Variants in NT5DC3 observed in about 807,000 individuals in gnomAD.
NT5DC3 encodes 5'-nucleotidase domain-containing protein 3.
In NT5DC3, 42 loss-of-function variants were observed where a neutral mutation model predicts 67.8. The ratio of observed to expected loss-of-function variants is 0.62; its 90% CI spans 0.48 to 0.80. NT5DC3 has a LOEUF of 0.80. Ranked by LOEUF, NT5DC3 falls within the 30% of genes least tolerant of loss-of-function variation. The pLI, the probability that NT5DC3 is intolerant of heterozygous loss-of-function variation, is 0.00. For synonymous variants in NT5DC3, 237 were observed against 255.6 expected, an observed-to-expected ratio of 0.93 and a Z score of 0.69; for missense variants, 570 against 696.4, an observed-to-expected ratio of 0.82 and a Z score of 2.04.
chr12:103,805,217 C>G (rs550716657), intron 4 of NT5DC3, among the ~76,000 whole-genome samples: 5 of 152,178 alleles, frequency 3.3e-5, no homozygotes, highest in Admixed American at 6.5e-5. Flanking sequence ...TCTACCACAG[C>G]AGGGACAATA....
chr12:103,758,257 G>A, the NT5DC3 span: 6 of 1,613,938 alleles, frequency 3.7e-6, no homozygotes, highest in Middle Eastern at 1.6e-4. Flanking sequence ...CACCCTCTTT[G>A]TGCCACAGAA....
Position 103,832,172 on chromosome 12 carries a change from G to A in NT5DC3, c.208+8777C>T, listed in dbSNP as rs1173401274. Among the ~76,000 whole-genome samples, 9 of 151,752 alleles carry A rather than the reference G, an allele frequency of 5.9e-5. No individual in the cohort carries two copies. In the South Asian group the frequency reaches 1.5e-3, roughly 25 times the overall value. ...AAAGTCCTCTATATTTTTTTTCAGC[G>A]TGTGGGTATTCTATACAAAAAGGTT... On this transcript the variant is annotated intron_variant, in intron 1 of 13. Transcript: ENST00000392876.
At chr12:103,757,010 T>TATAC in the NT5DC3 span, among the ~76,000 whole-genome samples, 1 of 137,550 alleles carries the variant, frequency 7.3e-6, no homozygotes, top group African/African-American at 2.7e-5. Context: ...TATATATATA[T>TATAC]ATATATATAT....
At chr12:103,755,027 A>T in the NT5DC3 span, 2 of 414,824 alleles carry the variant, frequency 4.8e-6, no homozygotes, top group Admixed American at 7.4e-5. Flanking sequence ...GTATCAATGG[A>T]TGACAGCAAA....
At chr12:103,752,361 A>G in the NT5DC3 span, among the ~76,000 whole-genome samples, 3 of 152,218 alleles carry the variant, frequency 2.0e-5, no homozygotes, top group Non-Finnish European at 4.4e-5. Context: ...TGACTTACGC[A>G]CTGTGCTACT....
chr12:103,784,227 A>G (rs767612246), intron 12 of NT5DC3, among the ~76,000 whole-genome samples: 4 of 152,244 alleles, frequency 2.6e-5, no homozygotes, highest in Admixed American at 2.0e-4. Flanking sequence ...TTGACACTGT[A>G]TATTTTTAGT....
intron 1 of NT5DC3, among the ~76,000 whole-genome samples, chr12:103,833,946 C>T (rs1293443900): frequency 6.6e-6 from 1 of 152,138 alleles, no homozygotes; most frequent in Non-Finnish European, 1.5e-5. Flanking sequence ...TATGATCACA[C>T]GAAGATTTCT....
downstream of NT5DC3, chr12:103,766,974 T>C (rs906477181): frequency 6.6e-6 from 1 of 152,318 alleles, no homozygotes; most frequent in African/African-American, 2.4e-5. Context: ...CCCTCATACA[T>C]TGCTGGTGGG....
intron 1 of NT5DC3, among the ~76,000 whole-genome samples, chr12:103,823,143 G>GA (rs1180147199): frequency 2.7e-5 from 4 of 145,780 alleles, no homozygotes; most frequent in South Asian, 4.3e-4. Flanking sequence ...TGTTTTTCTA[G>GA]AAAAAAAGAA....
At chr12:103,791,021 C>T (rs112089133) in intron 9 of NT5DC3, among the ~76,000 whole-genome samples, 1,946 of 152,180 alleles carry the variant, frequency 0.013, 45 homozygotes, top group African/African-American at 0.045. Flanking sequence ...GCATAATACC[C>T]CCTCACATGG....
In NT5DC3 at chr12:103,841,234, T is replaced by A; in HGVS notation, c.-78A>T. The stretch of plus-strand genomic sequence containing the variant: ...CCCGGCCCAAGATCTACCCGCGCTC[T>A]GCCCTGCAGGAGGGCAGCTCCTGCG... On this transcript the variant is annotated 5_prime_UTR_variant, in exon 1 of 14. Coordinates refer to ENST00000392876, the MANE Select transcript of NT5DC3 (RefSeq NM_001031701.3). 2.1e-6 allele frequency: 1 copy of A among 480,612 alleles called. No homozygotes were observed. 29.8% of individuals were successfully genotyped at this position (480,612 alleles called of 1,614,324 possible).
the NT5DC3 span, chr12:103,757,955 C>G: frequency 2.0e-4 from 127 of 622,258 alleles, no homozygotes; most frequent in African/African-American, 2.1e-3. Flanking sequence ...TGGGCTGTGA[C>G]GTGGCTGTGT....
intron 1 of NT5DC3, among the ~76,000 whole-genome samples, chr12:103,839,615 C>A (rs12426183): frequency 6.6e-6 from 1 of 152,062 alleles, no homozygotes; most frequent in Non-Finnish European, 1.5e-5. Context: ...AAAAACTTTC[C>A]TGCCCAAAAG....
chr12:103,759,941 C>T, the NT5DC3 span, among the ~76,000 whole-genome samples: 2 of 152,190 alleles, frequency 1.3e-5, no homozygotes, highest in Admixed American at 6.5e-5. Flanking sequence ...AGAAATGATA[C>T]ATTTGTGGAA....
the NT5DC3 span, chr12:103,758,265 G>A: frequency 6.2e-7 from 1 of 1,613,964 alleles, no homozygotes; most frequent in Non-Finnish European, 8.5e-7. Flanking sequence ...TTGTGCCACA[G>A]AACAGTGGGC....
At chr12:103,764,472 AG>A in the NT5DC3 span, among the ~76,000 whole-genome samples, 2 of 152,192 alleles carry the variant, frequency 1.3e-5, no homozygotes, top group Non-Finnish European at 2.9e-5. Context: ...ACATCAATCC[AG>A]GGGGACCCCT....
At chr12:103,782,517 G>A (rs12423912) in intron 12 of NT5DC3, among the ~76,000 whole-genome samples, 16,995 of 152,160 alleles carry the variant, frequency 0.11, 1,418 homozygotes, top group East Asian at 0.44. Flanking sequence ...GCAGAGGTGG[G>A]TAGCTGCAAC....
At chr12:103,784,237 T>C (rs900186675) in intron 12 of NT5DC3, among the ~76,000 whole-genome samples, 1 of 152,194 alleles carries the variant, frequency 6.6e-6, no homozygotes, top group African/African-American at 2.4e-5. Context: ...ATATTTTTAG[T>C]AAATCATCTC....
chr12:103,778,007 A>C lies in NT5DC3; in HGVS notation c.1469T>G (p.Leu490Arg), dbSNP rs1885401292. ...GTCAGCGAAGCGCGACAGGCGCCTT[A>C]GGAAGTAGGTTGGGTTCTGGTCTGT... Reference protein sequence around the residue: ...FRTDQNPTYFLRRLSRFADIY... With the variant: ...FRTDQNPTYFRRRLSRFADIY... The change falls in exon 14 of 14, where the codon CTA becomes CGA. Residue 490 changes from leucine to arginine, a missense_variant. Leu to Arg is a moderately radical substitution (Grantham distance 102). This residue lies in a region of NT5DC3 where 466 missense variants were observed against 608.0 expected (regional missense o/e 0.77). Transcript: ENST00000392876. 6.2e-7 allele frequency: 1 copy of C among 1,614,140 alleles called. No homozygotes were observed. The highest frequency in any genetic ancestry group is 1.3e-5 in the African/African-American group (1 of 74,952).
Sources: allele counts gnomAD v4.1 joint callset (sites outside exome capture counted in the v4.1 genomes callset), GRCh38; gene constraint gnomAD v4.1.1; regional missense constraint gnomAD v4.1.1; transcripts MANE v1.5; gene names NCBI Gene and HGNC (gene_info 2026-07-23, HGNC 2026-07-21).